The following SYNPR variants were observed in gnomAD, a reference collection of about 807,000 sequenced individuals.
SYNPR encodes synaptoporin.
A neutral mutation model predicts 32.9 loss-of-function variants in SYNPR; 23 were observed. That is an observed-to-expected ratio of 0.70 (90% CI 0.50 to 0.99). The LOEUF is 0.99. Among genes scored for constraint, SYNPR ranks in the 50% least tolerant of loss-of-function variants. The pLI is 0.00. For missense variants in SYNPR, 318 were observed against 349.3 expected, an observed-to-expected ratio of 0.91 and a Z score of 0.71; for synonymous variants, 146 against 135.9, an observed-to-expected ratio of 1.07 and a Z score of -0.52.
At chr3:63,557,995 T>G (rs35598107) in intron 4 of SYNPR, among the ~76,000 whole-genome samples, 13,009 of 152,300 alleles carry the variant, frequency 0.085, 687 homozygotes, top group Non-Finnish European at 0.12. Flanking sequence ...TAAGATGAGT[T>G]AATGTCTTTC....
At chr3:63,314,608 T>C (rs2087021355) in intron 2 of SYNPR, among the ~76,000 whole-genome samples, 1 of 152,126 alleles carries the variant, frequency 6.6e-6, no homozygotes, top group Non-Finnish European at 1.5e-5. Flanking sequence ...GAGTTCATTG[T>C]AGATTCTGGA....
intron 2 of SYNPR, among the ~76,000 whole-genome samples, chr3:63,427,979 C>T (rs762495899): frequency 1.3e-5 from 2 of 152,206 alleles, no homozygotes; most frequent in Non-Finnish European, 2.9e-5. Flanking sequence ...TCAGTAATTA[C>T]CTCTAAGCAC....
intron 2 of SYNPR, among the ~76,000 whole-genome samples, chr3:63,463,966 C>T (rs190222706): frequency 8.2e-4 from 125 of 152,000 alleles, no homozygotes; most frequent in African/African-American, 2.7e-3. Flanking sequence ...TGCCTTTTTT[C>T]GTAACATTTA....
At chr3:63,562,474 A>C (rs1702707393) in intron 4 of SYNPR, among the ~76,000 whole-genome samples, 1 of 152,000 alleles carries the variant, frequency 6.6e-6, no homozygotes, top group Non-Finnish European at 1.5e-5. Flanking sequence ...TGTTATTCAA[A>C]CTCTCCTCCC....
intron 2 of SYNPR, among the ~76,000 whole-genome samples, chr3:63,444,612 C>T (rs748482117): frequency 6.6e-5 from 10 of 152,140 alleles, no homozygotes; most frequent in East Asian, 1.9e-4. Context: ...GCCTAGGGCT[C>T]GTAGGCATAG....
chr3:63,610,330 C>G (rs1361823887), intron 5 of SYNPR: 1 of 444,062 alleles, frequency 2.3e-6, no homozygotes, highest in East Asian at 3.1e-5. Flanking sequence ...GAAGCTGTAT[C>G]TGAGAAATAC....
intron 5 of SYNPR, among the ~76,000 whole-genome samples, chr3:63,614,123 A>C (rs550239725): frequency 6.6e-6 from 1 of 152,252 alleles, no homozygotes; most frequent in East Asian, 1.9e-4. Context: ...CCAGCACCCT[A>C]CTCCAGGACC....
intron 4 of SYNPR, among the ~76,000 whole-genome samples, chr3:63,572,528 A>G (rs887122446): frequency 6.6e-6 from 1 of 152,174 alleles, no homozygotes; most frequent in African/African-American, 2.4e-5. Context: ...AAACAGAAAT[A>G]CTTTCCCTTC....
intron 4 of SYNPR, among the ~76,000 whole-genome samples, chr3:63,592,909 A>T (rs1156947994): frequency 6.6e-6 from 1 of 152,102 alleles, no homozygotes; most frequent in African/African-American, 2.4e-5. Flanking sequence ...CAAAAATACT[A>T]TGAAAATGTA....
the SYNPR span, among the ~76,000 whole-genome samples, chr3:63,210,609 T>C: frequency 6.6e-6 from 1 of 152,228 alleles, no homozygotes; most frequent in Non-Finnish European, 1.5e-5. Context: ...TAACTTTTGA[T>C]GCTCCTGTCC....
At chr3:63,328,437 A>G (rs2087189729) in intron 2 of SYNPR, among the ~76,000 whole-genome samples, 1 of 152,192 alleles carries the variant, frequency 6.6e-6, no homozygotes, top group Non-Finnish European at 1.5e-5. Flanking sequence ...ATAATGTACC[A>G]GTGTGATCTA....
intron 3 of SYNPR, among the ~76,000 whole-genome samples, chr3:63,270,960 T>TTCTA (rs1486383573): frequency 2.1e-4 from 4 of 19,276 alleles, no homozygotes; most frequent in Non-Finnish European, 1.7e-4. Context: ...CTTCCTTCCT[T>TTCTA]CCTTCCTTCT....
At chr3:63,355,331 C>T (rs1234291761) in intron 2 of SYNPR, among the ~76,000 whole-genome samples, 2 of 151,256 alleles carry the variant, frequency 1.3e-5, no homozygotes, top group Non-Finnish European at 2.9e-5. Flanking sequence ...CAATGTTTGA[C>T]ATCAGAGTCT....
At chr3:63,484,489 AAGAT>A (rs371455825) in intron 3 of SYNPR, among the ~76,000 whole-genome samples, 107 of 152,278 alleles carry the variant, frequency 7.0e-4, no homozygotes, top group African/African-American at 2.3e-3. Context: ...ACATGAATAA[AAGAT>A]AGAGAAGGGC....
Position 63,454,454 on chromosome 3 carries a change from C to G in SYNPR, c.85-26378C>G, listed in dbSNP as rs746565719. The stretch of plus-strand genomic sequence containing the variant: ...TGTGTAACTATTGCAGGTTTATGAC[C>G]CTTAATACTTAACAAAATCATTCGT... On this transcript the variant is annotated intron_variant, in intron 2 of 5. Transcript: ENST00000478300. Among the ~76,000 whole-genome samples the G allele has an allele frequency of 5.9e-5, 9 of 152,160 alleles. No homozygotes were observed. The South Asian group carries it at 6.2e-4, about 11-fold the overall frequency.
intron 2 of SYNPR, among the ~76,000 whole-genome samples, chr3:63,427,197 A>G (rs1397320011): frequency 6.6e-6 from 1 of 151,186 alleles, no homozygotes; most frequent in East Asian, 1.9e-4. Context: ...AAAATGTAAA[A>G]GGATCTGTTA....
chr3:63,419,489 G>A (rs2107129372), intron 2 of SYNPR, among the ~76,000 whole-genome samples: 1 of 152,284 alleles, frequency 6.6e-6, no homozygotes, highest in South Asian at 2.1e-4. Flanking sequence ...CAGCCCTCAT[G>A]TCCTATCAGG....
chr3:63,544,285 C>T (rs1215403257), intron 3 of SYNPR, among the ~76,000 whole-genome samples: 1 of 151,998 alleles, frequency 6.6e-6, no homozygotes, highest in African/African-American at 2.4e-5. Context: ...CTGATAAATA[C>T]GTTCAACAAA....
At chr3:63,368,918 T>C (rs2087762780) in intron 2 of SYNPR, among the ~76,000 whole-genome samples, 1 of 152,230 alleles carries the variant, frequency 6.6e-6, no homozygotes, top group Admixed American at 6.5e-5. Flanking sequence ...AAGGACACCT[T>C]ACATGAAGAT....
Sources: gnomAD v4.1 joint callset for allele counts (sites outside exome capture counted in the v4.1 genomes callset) on GRCh38, gnomAD v4.1.1 for gene constraint, MANE v1.5 for transcripts, NCBI Gene and HGNC (gene_info 2026-07-23, HGNC 2026-07-21) for gene names.